KIF3C: variants seen among roughly 807,000 people sequenced by gnomAD.
KIF3C encodes kinesin family member 3C, also known as kinesin-like protein KIF3C.
A neutral mutation model predicts 67.7 loss-of-function variants in KIF3C; 12 were observed. The ratio of observed to expected loss-of-function variants is 0.18; its 90% CI spans 0.11 to 0.29. KIF3C has a LOEUF of 0.29. Ranked by LOEUF, KIF3C falls within the 10% of genes least tolerant of loss-of-function variation. The pLI, the probability that KIF3C is intolerant of heterozygous loss-of-function variation, is 1.00. For missense variants in KIF3C, 789 were observed against 1,059.6 expected (o/e 0.74, Z 3.55); for synonymous variants, 393 against 426.2 (o/e 0.92, Z 0.96).
chr2:25,944,347 CTTTTT>C (rs34983264), intron 5 of KIF3C, among the ~76,000 whole-genome samples: 1 of 134,010 alleles, frequency 7.5e-6, no homozygotes, highest in Non-Finnish European at 1.6e-5. Context: ...TCATAATTGC[CTTTTT>C]TTTTTTTTTT....
chr2:25,952,168 T>C (rs1222425017), intron 4 of KIF3C, among the ~76,000 whole-genome samples: 1 of 151,928 alleles, frequency 6.6e-6, no homozygotes, highest in Non-Finnish European at 1.5e-5. Flanking sequence ...GGCGTGGTGG[T>C]GGGTGCCTGT....
At chr2:25,971,399 C>T (rs966977913) in intron 1 of KIF3C, among the ~76,000 whole-genome samples, 3 of 150,522 alleles carry the variant, frequency 2.0e-5, no homozygotes, top group African/African-American at 7.3e-5. Context: ...GAGATCACGC[C>T]ACTGTACTCC....
At chr2:25,982,497 C>CT, upstream of KIF3C, 1 of 398,462 alleles carries the variant, frequency 2.5e-6, no homozygotes, top group Non-Finnish European at 4.4e-6. Context: ...GAGAGAAAAA[C>CT]AGAAGGGGAT....
intron 5 of KIF3C, among the ~76,000 whole-genome samples, chr2:25,950,703 GGAAAACCTCTAT>G (rs1476958617): frequency 6.6e-6 from 1 of 152,058 alleles, no homozygotes; most frequent in Non-Finnish European, 1.5e-5. Context: ...CAGCCAGGGT[GGAAAACCTCTAT>G]GACAGCTGAT....
In KIF3C at chr2:25,951,842, G is replaced by A. The variant is rs1434741051; in HGVS notation, c.1953C>T (p.Phe651=). 1.9e-6 allele frequency: 3 copies of A among 1,614,120 alleles called. No homozygotes were observed. The highest frequency in any genetic ancestry group is 3.3e-5 in the Admixed American group (2 of 60,026). Residue 651 remains phenylalanine (F), a synonymous_variant, in exon 5 of 8, where the codon TTC becomes TTT. Transcript: ENST00000264712. ...TCCACTGCTCCTCCTCACAGTCCAG[G>A]AAAAGCCGGTTCATGATCTTGTTCT... ...EEKNKIMNRL[F]LDCEEEQWKF...
intron 5 of KIF3C, among the ~76,000 whole-genome samples, chr2:25,939,211 A>G (rs1376533228): frequency 6.6e-6 from 1 of 152,070 alleles, no homozygotes; most frequent in Admixed American, 6.6e-5. Flanking sequence ...GAAGTGATCC[A>G]CCTGCCTTGG....
chr2:25,937,099 T>C (rs1182123069), intron 5 of KIF3C, among the ~76,000 whole-genome samples: 7 of 152,198 alleles, frequency 4.6e-5, no homozygotes, highest in Admixed American at 1.3e-4. Context: ...ATGGCAGCTG[T>C]GATTATGATT....
chr2:25,938,840 G>A (rs1036720106), intron 5 of KIF3C, among the ~76,000 whole-genome samples: 1 of 152,022 alleles, frequency 6.6e-6, no homozygotes, highest in Non-Finnish European at 1.5e-5. Flanking sequence ...TACATCTGAC[G>A]CGTTCTCCTA....
chr2:25,929,218 CA>C, intron 7 of KIF3C, 86 bp downstream of exon 7: 2 of 1,499,326 alleles, frequency 1.3e-6, no homozygotes, highest in Non-Finnish European at 1.8e-6. Context: ...CTTCGGGTAC[CA>C]GCAAAACCCT....
intron 1 of KIF3C, among the ~76,000 whole-genome samples, chr2:25,957,089 A>C (rs1049902085): frequency 6.6e-6 from 1 of 152,156 alleles, no homozygotes; most frequent in Non-Finnish European, 1.5e-5. Context: ...ATATTGGAAC[A>C]CCGCCTATGT....
rs536795684 is a variant in KIF3C at position 25,947,572 on chromosome 2, C to T, written c.2006+4217G>A. On this transcript the variant is annotated intron_variant, in intron 5 of 7. Coordinates refer to ENST00000264712, the MANE Select transcript of KIF3C (RefSeq NM_002254.8). Reference sequence around the variant, plus strand: ...CTCCAGCCTGGGTGACAGAGCGAGACTGCCTCAAAAAAAAAAAAAGTTATT... The same window carrying T: ...CTCCAGCCTGGGTGACAGAGCGAGATTGCCTCAAAAAAAAAAAAAGTTATT... 4.7e-5 allele frequency among the ~76,000 whole-genome samples: 7 copies of T among 150,038 alleles called. No individual in the cohort carries two copies. The South Asian group carries it at 1.0e-3, about 22-fold the overall frequency.
At chr2:25,972,240 C>G (rs1283588317) in intron 1 of KIF3C, among the ~76,000 whole-genome samples, 6 of 152,072 alleles carry the variant, frequency 3.9e-5, no homozygotes, top group African/African-American at 1.2e-4. Context: ...TGACTCAGGG[C>G]AGTATGATAA....
chr2:25,962,835 A>T lies in KIF3C; in HGVS notation c.1546-6391T>A, dbSNP rs1189708364. ...ATATATATAATATATAAAATATATA[A>T]AATATATAATATATAATATAATATA... On this transcript the variant is annotated intron_variant, in intron 1 of 7. Transcript: ENST00000264712. Among the ~76,000 whole-genome samples the T allele has an allele frequency of 3.9e-4, 23 of 59,552 alleles. 5 individuals are homozygous for T. Among genetic ancestry groups the T allele is most frequent in the African/African-American group, 1.6e-3 (17 of 10,680 alleles). 39.1% of individuals were successfully genotyped at this position (59,552 alleles called of 152,430 possible).
chr2:25,951,965 T>C (rs564366385), intron 4 of KIF3C, 60 bp from the exon 5 acceptor site: 3 of 1,151,262 alleles, frequency 2.6e-6, no homozygotes, highest in South Asian at 1.2e-5. Flanking sequence ...ACGTGGTGCA[T>C]GTGAGGGTTG....
intron 6 of KIF3C, among the ~76,000 whole-genome samples, chr2:25,929,749 G>A (rs960587339): frequency 1.3e-5 from 2 of 151,886 alleles, no homozygotes; most frequent in Non-Finnish European, 2.9e-5. Flanking sequence ...CCAAGTAGCT[G>A]GGACTATAGG....
chr2:25,970,988 A>G (rs1200585959), intron 1 of KIF3C, among the ~76,000 whole-genome samples: 99 of 140,988 alleles, frequency 7.0e-4, no homozygotes, highest in African/African-American at 2.5e-3. Context: ...AAAAAAAAAA[A>G]AGGGCCGGGC....
rs1324030582 is a variant in KIF3C, at chr2:25,958,102, G to A, written c.1546-1658C>T. Among the ~76,000 whole-genome samples the A allele has an allele frequency of 6.6e-6, 1 of 152,090 alleles. No homozygotes were observed. Among genetic ancestry groups the A allele is most frequent in the Non-Finnish European group, 1.5e-5 (1 of 67,992 alleles). On this transcript the variant is annotated intron_variant, in intron 1 of 7. Transcript: ENST00000264712. The surrounding 1 kb of genome is among the most constrained non-coding windows in gnomAD (Gnocchi z 4.5). ...CTCTCATCCGTTGCATCTGGCCAGT[G>A]AGTCAAGGCCATCAAATCTGCTCCT...
chr2:25,940,650 C>CTTTTTTTTTTT (rs70950139), intron 5 of KIF3C, among the ~76,000 whole-genome samples: 4 of 74,188 alleles, frequency 5.4e-5, no homozygotes, highest in Non-Finnish European at 9.6e-5. Context: ...TCAGAATGTT[C>CTTTTTTTTTTT]TTTTTTTTTT....
intron 5 of KIF3C, among the ~76,000 whole-genome samples, chr2:25,935,934 A>T (rs2149223191): frequency 6.6e-6 from 1 of 152,056 alleles, no homozygotes; most frequent in Non-Finnish European, 1.5e-5. Context: ...CAAAAAAAAA[A>T]AAATTAGCCA....
Sources: gnomAD v4.1 joint callset for allele counts (sites outside exome capture counted in the v4.1 genomes callset) on GRCh38, gnomAD v4.1.1 for gene constraint, Gnocchi (gnomAD v3.1) non-coding constraint, MANE v1.5 for transcripts, NCBI Gene and HGNC (gene_info 2026-07-23, HGNC 2026-07-21) for gene names.